Variants in ITK observed in about 807,000 individuals in gnomAD.
ITK encodes tyrosine-protein kinase ITK/TSK.
A neutral mutation model predicts 87.6 loss-of-function variants in ITK; 45 were observed. That is an observed-to-expected ratio of 0.51 (90% CI 0.40 to 0.66). The LOEUF (loss-of-function observed/expected upper bound fraction) is 0.66, where lower values mean the gene tolerates loss of function less well. Ranked by LOEUF, ITK falls within the 30% of genes least tolerant of loss-of-function variation. ITK has a pLI of 0.00. For synonymous variants in ITK, 303 were observed against 273.6 expected, an observed-to-expected ratio of 1.11 and a Z score of -1.06; for missense variants, 605 against 766.3, an observed-to-expected ratio of 0.79 and a Z score of 2.48.
intron 1 of ITK, among the ~76,000 whole-genome samples, chr5:157,197,611 T>A (rs901907298): frequency 5.3e-5 from 7 of 133,184 alleles, no homozygotes; most frequent in African/African-American, 1.9e-4. Context: ...ATACATAATC[T>A]CTTCTTCCAA....
At chr5:157,223,975 C>T (rs1004666821) in intron 6 of ITK, among the ~76,000 whole-genome samples, 3 of 152,172 alleles carry the variant, frequency 2.0e-5, no homozygotes, top group Non-Finnish European at 4.4e-5. Flanking sequence ...TTTGCCCCCA[C>T]ATCAAGTCCA....
intron 8 of ITK, among the ~76,000 whole-genome samples, chr5:157,234,399 G>C (rs1347647849): frequency 6.6e-6 from 1 of 152,172 alleles, no homozygotes; most frequent in Admixed American, 6.5e-5. Context: ...AGAATTGAAT[G>C]ACATTTTCTT....
At chr5:157,242,402 G>T (rs1754927824) in intron 11 of ITK, among the ~76,000 whole-genome samples, 2 of 152,116 alleles carry the variant, frequency 1.3e-5, no homozygotes, top group Admixed American at 6.5e-5. Context: ...AAGTCTTCTA[G>T]AATGCTTATT....
At chr5:157,240,671 G>C (rs1754874309) in intron 10 of ITK, 1 of 204,492 alleles carries the variant, frequency 4.9e-6, no homozygotes. Flanking sequence ...GAAGCTTTCA[G>C]TCATGGCAGA....
intron 5 of ITK, among the ~76,000 whole-genome samples, chr5:157,219,257 C>A (rs527583164): frequency 6.6e-6 from 1 of 151,778 alleles, no homozygotes. Context: ...GGATTACAGG[C>A]GCTCACCATC....
intron 3 of ITK, 148 bp downstream of exon 3, chr5:157,211,516 G>A (rs560913852): frequency 2.9e-6 from 2 of 701,712 alleles, no homozygotes; most frequent in Non-Finnish European, 5.1e-6. Flanking sequence ...TTTCATCCTG[G>A]GCCCAGGAAG....
chr5:157,189,749 A>T (rs1753715844), intron 1 of ITK, among the ~76,000 whole-genome samples: 1 of 152,234 alleles, frequency 6.6e-6, no homozygotes, highest in Non-Finnish European at 1.5e-5. Flanking sequence ...AAAACAAGAC[A>T]TGTAAATATC....
chr5:157,203,588 T>C (rs1202727366), intron 1 of ITK, among the ~76,000 whole-genome samples: 1 of 152,170 alleles, frequency 6.6e-6, no homozygotes, highest in Admixed American at 6.5e-5. Context: ...CACAGCAACC[T>C]CAAGCTCGTG....
At chr5:157,207,375 C>CTTT (rs1561652057) in intron 1 of ITK, among the ~76,000 whole-genome samples, 1 of 90,130 alleles carries the variant, frequency 1.1e-5, no homozygotes, top group African/African-American at 4.4e-5. Context: ...CTAGATACGT[C>CTTT]TCTTTTTTTT....
chr5:157,186,362 G>A (rs1753642665), intron 1 of ITK, among the ~76,000 whole-genome samples: 1 of 142,988 alleles, frequency 7.0e-6, no homozygotes, highest in Non-Finnish European at 1.5e-5. Context: ...CCCGCTATGT[G>A]TCTTAAAAAA....
intron 1 of ITK, chr5:157,195,866 G>A (rs893279388): frequency 1.3e-5 from 2 of 152,298 alleles, no homozygotes; most frequent in Middle Eastern, 3.4e-3. Flanking sequence ...TTTAATGAAG[G>A]TTGGTCTGTT....
intron 1 of ITK, among the ~76,000 whole-genome samples, chr5:157,189,593 A>G (rs1753711857): frequency 6.6e-6 from 1 of 152,238 alleles, no homozygotes; most frequent in Admixed American, 6.5e-5. Context: ...AAGCAGGAGA[A>G]TTGCTTGAAC....
At chr5:157,196,535 G>A (rs534628996) in intron 1 of ITK, among the ~76,000 whole-genome samples, 1 of 152,112 alleles carries the variant, frequency 6.6e-6, no homozygotes, top group South Asian at 2.1e-4. Flanking sequence ...TAAACACTTT[G>A]GGCAGACTAG....
Position 157,180,955 on chromosome 5 carries a change from C to A in ITK, c.-23C>A. On this transcript the variant is annotated 5_prime_UTR_variant, in exon 1 of 17. Coordinates refer to ENST00000422843, the MANE Select transcript of ITK (RefSeq NM_005546.4). ...GTGCTAAGAGGTGATGCCCAAGGTG[C>A]ACCACCTTTCAAGAACTGGATCATG... is the stretch of plus-strand genomic sequence containing the variant. 3 of 1,612,318 alleles carry A rather than the reference C, an allele frequency of 1.9e-6. No homozygotes were observed. The highest frequency in any genetic ancestry group is 1.1e-5 in the South Asian group (1 of 91,036).
chr5:157,252,852 C>A lies in ITK; in HGVS notation c.*174C>A. 7.6e-6 allele frequency: 5 copies of A among 655,678 alleles called. No homozygotes were observed. Among genetic ancestry groups the A allele is most frequent in the South Asian group, 3.2e-5 (2 of 63,374 alleles). 40.6% of individuals were successfully genotyped at this position (655,678 alleles called of 1,614,324 possible). On this transcript the variant is annotated 3_prime_UTR_variant, in exon 17 of 17. Transcript: ENST00000422843. ...CAGCATCCTGACCACAGCTGGCAGT[C>A]AAGCCACAGCTGGAGGGTCAGCCAC...
intron 1 of ITK, among the ~76,000 whole-genome samples, chr5:157,187,097 G>A (rs1339170343): frequency 3.3e-5 from 5 of 152,224 alleles, no homozygotes; most frequent in Admixed American, 2.0e-4. Context: ...CGTTTTAAGT[G>A]TCACTTACTT....
At chr5:157,216,704 G>A (rs1754305011) in intron 4 of ITK, among the ~76,000 whole-genome samples, 1 of 152,126 alleles carries the variant, frequency 6.6e-6, no homozygotes, top group Non-Finnish European at 1.5e-5. Flanking sequence ...TCCAGGGCTG[G>A]AAGTGGCCAA....
At chr5:157,223,099 A>T in intron 6 of ITK, 85 bp downstream of exon 6, 1 of 1,495,426 alleles carries the variant, frequency 6.7e-7, no homozygotes, top group Non-Finnish European at 9.3e-7. Flanking sequence ...CCTATCTCCC[A>T]CAGTGTAACC....
chr5:157,197,435 T>C (rs1363044859), intron 1 of ITK, among the ~76,000 whole-genome samples: 2 of 152,220 alleles, frequency 1.3e-5, no homozygotes, highest in Non-Finnish European at 2.9e-5. Flanking sequence ...TATTTTCATT[T>C]CTCTGCTTTT....
Sources: allele counts gnomAD v4.1 joint callset (sites outside exome capture counted in the v4.1 genomes callset), GRCh38; gene constraint gnomAD v4.1.1; transcripts MANE v1.5; gene names NCBI Gene and HGNC (gene_info 2026-07-23, HGNC 2026-07-21).